ATP8A2: variants seen among roughly 807,000 people sequenced by gnomAD.
ATP8A2 encodes phospholipid-transporting ATPase IB.
A neutral mutation model predicts 165.6 loss-of-function variants in ATP8A2; 100 were observed. The ratio of observed to expected loss-of-function variants is 0.60; its 90% CI spans 0.51 to 0.71. ATP8A2 has a LOEUF of 0.71. Among genes scored for constraint, ATP8A2 ranks in the 30% least tolerant of loss-of-function variants. The probability of loss-of-function intolerance (pLI) is 0.00; values close to 1 mark genes in which losing one functional copy is unlikely to be tolerated. For synonymous variants in ATP8A2, 543 were observed against 548.8 expected (o/e 0.99, Z 0.15); for missense variants, 1,227 against 1,479.5 (o/e 0.83, Z 2.80).
chr13:25,881,785 G>A (rs970031981), intron 33 of ATP8A2, among the ~76,000 whole-genome samples: 1 of 152,280 alleles, frequency 6.6e-6, no homozygotes, highest in Admixed American at 6.5e-5. Context: ...AGCAACATCA[G>A]CCTCATCAGA....
chr13:25,911,304 C>A (rs1468558499), intron 33 of ATP8A2, among the ~76,000 whole-genome samples: 1 of 152,276 alleles, frequency 6.6e-6, no homozygotes, highest in Non-Finnish European at 1.5e-5. Context: ...TATTGTAATG[C>A]CTGGTCAATG....
At chr13:25,453,897 A>T (rs2035293497) in intron 1 of ATP8A2, among the ~76,000 whole-genome samples, 1 of 152,036 alleles carries the variant, frequency 6.6e-6, no homozygotes, top group South Asian at 2.1e-4. Context: ...TTTTTGATAG[A>T]TTTTCCTGAA....
At chr13:25,523,726 T>A (rs1256671180) in intron 2 of ATP8A2, among the ~76,000 whole-genome samples, 1 of 152,132 alleles carries the variant, frequency 6.6e-6, no homozygotes, top group Non-Finnish European at 1.5e-5. Flanking sequence ...ATGTTGCATT[T>A]CCATTTCTGG....
rs376517399 is a variant in ATP8A2 at position 25,793,216 on chromosome 13, C to T, written c.2679+18257C>T. 1.2e-4 allele frequency among the ~76,000 whole-genome samples: 19 copies of T among 152,270 alleles called. 1 individual carries two copies. In the South Asian group the frequency reaches 3.1e-3, roughly 25 times the overall value. ...TAATATTTGAAACTGTCTTCGTTGC[C>T]TGCATAAAGTGATCAAGTGACCATC... On this transcript the variant is annotated intron_variant, in intron 27 of 36. Transcript: ENST00000381655.
intron 1 of ATP8A2, among the ~76,000 whole-genome samples, chr13:25,424,650 C>T (rs1333430322): frequency 6.6e-6 from 1 of 152,202 alleles, no homozygotes; most frequent in Non-Finnish European, 1.5e-5. Context: ...AACAAGTTCA[C>T]TTAAACCGTT....
intron 15 of ATP8A2, among the ~76,000 whole-genome samples, chr13:25,560,869 G>C (rs920829929): frequency 2.0e-5 from 3 of 150,014 alleles, no homozygotes; most frequent in African/African-American, 7.4e-5. Flanking sequence ...ATGAAGCTTC[G>C]GGCAGGTTTT....
At chr13:25,826,356 G>C (rs897990403) in intron 27 of ATP8A2, among the ~76,000 whole-genome samples, 4 of 152,148 alleles carry the variant, frequency 2.6e-5, no homozygotes, top group Admixed American at 2.0e-4. Context: ...TTTGAACAGG[G>C]TAATGACAAG....
chr13:25,614,387 C>G (rs1426078487), intron 24 of ATP8A2, among the ~76,000 whole-genome samples: 6 of 151,790 alleles, frequency 4.0e-5, no homozygotes, highest in Non-Finnish European at 7.4e-5. Context: ...TTTATGTTGT[C>G]TATTTCTCTG....
chr13:25,926,550 T>C (rs975089132), intron 33 of ATP8A2, among the ~76,000 whole-genome samples: 3 of 152,222 alleles, frequency 2.0e-5, no homozygotes, highest in Non-Finnish European at 4.4e-5. Context: ...GAATACTGTG[T>C]CTGGCATGTA....
At chr13:25,566,369 G>A (rs1288974510) in intron 16 of ATP8A2, among the ~76,000 whole-genome samples, 5 of 152,034 alleles carry the variant, frequency 3.3e-5, no homozygotes, top group East Asian at 1.9e-4. Flanking sequence ...CTGAAGAATC[G>A]TCTCTGCAGG....
At chr13:25,956,210 A>G (rs1198676194) in intron 33 of ATP8A2, among the ~76,000 whole-genome samples, 1 of 152,226 alleles carries the variant, frequency 6.6e-6, no homozygotes, top group African/African-American at 2.4e-5. Flanking sequence ...AAACAGGCAC[A>G]AGACAAGGAT....
intron 33 of ATP8A2, among the ~76,000 whole-genome samples, chr13:25,887,704 T>C (rs951038660): frequency 6.6e-6 from 1 of 152,230 alleles, no homozygotes; most frequent in African/African-American, 2.4e-5. Context: ...ATGTTAATAC[T>C]ATGTGTCTTC....
intron 2 of ATP8A2, among the ~76,000 whole-genome samples, chr13:25,490,372 G>C (rs868373907): frequency 6.6e-6 from 1 of 152,246 alleles, no homozygotes; most frequent in African/African-American, 2.4e-5. Context: ...CAGCACGGAC[G>C]GGCCAGGAGC....
At chr13:25,979,124 C>T (rs770015070) in intron 35 of ATP8A2, among the ~76,000 whole-genome samples, 12 of 151,554 alleles carry the variant, frequency 7.9e-5, no homozygotes, top group Non-Finnish European at 1.3e-4. Flanking sequence ...TTCTGTAAAG[C>T]CAGCACTTGG....
intron 2 of ATP8A2, among the ~76,000 whole-genome samples, chr13:25,480,189 C>T (rs1395894468): frequency 6.6e-6 from 1 of 150,550 alleles, no homozygotes; most frequent in Non-Finnish European, 1.5e-5. Context: ...CACCTCCCTC[C>T]CGGACGGAGT....
At chr13:25,827,813 C>T (rs1951358346) in intron 27 of ATP8A2, among the ~76,000 whole-genome samples, 1 of 152,216 alleles carries the variant, frequency 6.6e-6, no homozygotes, top group African/African-American at 2.4e-5. Context: ...GAGACTCCTC[C>T]AGTCAATGAG....
intron 33 of ATP8A2, among the ~76,000 whole-genome samples, chr13:25,900,320 G>A (rs982408218): frequency 2.6e-5 from 4 of 152,188 alleles, no homozygotes; most frequent in Non-Finnish European, 4.4e-5. Flanking sequence ...CTGAGGTGGA[G>A]TTTTCAGCCC....
intron 25 of ATP8A2, among the ~76,000 whole-genome samples, chr13:25,721,388 T>G (rs2419336): frequency 6.6e-6 from 1 of 151,984 alleles, no homozygotes; most frequent in East Asian, 1.9e-4. Flanking sequence ...TGTTTTTGCT[T>G]TGGTTGCCTG....
chr13:25,750,533 G>A lies in ATP8A2; in HGVS notation c.2385-18513G>A, dbSNP rs533978266. The stretch of plus-strand genomic sequence containing the variant: ...CTGCCCGGCTCCCATTCCGAAGGCC[G>A]GTGGTTTCAGCCCAGCTTTGGGAGC... On this transcript the variant is annotated intron_variant, in intron 25 of 36. Transcript: ENST00000381655. The surrounding 1 kb of genome is among the most constrained non-coding windows in gnomAD (Gnocchi z 4.3). 1.2e-4 allele frequency among the ~76,000 whole-genome samples: 19 copies of A among 152,230 alleles called. No homozygotes were observed. Among genetic ancestry groups the A allele is most frequent in the East Asian group, 9.7e-4 (5 of 5,168 alleles).
Sources: gnomAD v4.1 joint callset for allele counts (sites outside exome capture counted in the v4.1 genomes callset) on GRCh38, gnomAD v4.1.1 for gene constraint, Gnocchi (gnomAD v3.1) non-coding constraint, MANE v1.5 for transcripts, NCBI Gene and HGNC (gene_info 2026-07-23, HGNC 2026-07-21) for gene names.